PYM1: variants seen among roughly 807,000 people sequenced by gnomAD.
The protein encoded by PYM1 is PYM1 exon junction complex associated factor.
In PYM1, 7 loss-of-function variants were observed where a neutral mutation model predicts 20.7. The observed-to-expected ratio is 0.34, with a 90% CI of 0.19 to 0.64. The LOEUF (loss-of-function observed/expected upper bound fraction) is 0.64, where lower values mean the gene tolerates loss of function less well. Among genes scored for constraint, PYM1 ranks in the 30% least tolerant of loss-of-function variants. The probability of loss-of-function intolerance (pLI) is 0.74; values close to 1 mark genes in which losing one functional copy is unlikely to be tolerated. For missense variants in PYM1, 194 were observed against 250.0 expected (o/e 0.78, Z 1.51); for synonymous variants, 100 against 99.2 (o/e 1.01, Z -0.05).
In PYM1 at chr12:55,902,360, A is replaced by C. The variant is rs1048071900; in HGVS notation, c.132-5T>G. 3 of 1,594,490 alleles carry C rather than the reference A, an allele frequency of 1.9e-6. No homozygotes were observed. Among genetic ancestry groups the C allele is most frequent in the Non-Finnish European group, 1.7e-6 (2 of 1,170,800 alleles). On this transcript the variant is annotated splice_region_variant and splice_polypyrimidine_tract_variant and intron_variant, in intron 2 of 2. Coordinates refer to ENST00000408946, the MANE Select transcript of PYM1 (RefSeq NM_032345.3). ...TTCACATACTTGTTTTCATATCTGC[A>C]GGAAACAAAGGATGTCAAGAGTTTC...
chr12:55,918,535 C>T (rs963529650), intron 1 of PYM1, among the ~76,000 whole-genome samples: 3 of 152,140 alleles, frequency 2.0e-5, no homozygotes, highest in Non-Finnish European at 1.5e-5. Context: ...GAGTTCAAGA[C>T]CATCCTGGGT....
chr12:55,914,473 T>C (rs1882973699), intron 1 of PYM1: 1 of 641,874 alleles, frequency 1.6e-6, no homozygotes, highest in Non-Finnish European at 2.8e-6. Context: ...TTTTTAAGCT[T>C]TGTCATTTTC....
chr12:55,919,755 C>T (rs896581753), intron 1 of PYM1, among the ~76,000 whole-genome samples: 1 of 151,914 alleles, frequency 6.6e-6, no homozygotes, highest in Admixed American at 6.6e-5. Context: ...AAAAAAATAG[C>T]TGGGCATAGT....
chr12:55,908,396 T>C (rs1351825129), intron 1 of PYM1, among the ~76,000 whole-genome samples: 1 of 148,776 alleles, frequency 6.7e-6, no homozygotes, highest in East Asian at 2.0e-4. Context: ...GCTACTGCAC[T>C]CCAGCTTGGG....
intron 1 of PYM1, among the ~76,000 whole-genome samples, chr12:55,918,845 G>A (rs1883052337): frequency 1.3e-5 from 2 of 152,146 alleles, no homozygotes; most frequent in Non-Finnish European, 2.9e-5. Flanking sequence ...TCCAGCCTGG[G>A]CGACAGAGCA....
Position 55,902,112 on chromosome 12 carries a change from G to T in PYM1, c.375C>A (p.Pro125=). 1 of 1,614,098 alleles carries T rather than the reference G, an allele frequency of 6.2e-7. No individual in the cohort carries two copies. The highest frequency in any genetic ancestry group is 1.1e-5 in the South Asian group (1 of 91,070). The change falls in exon 3 of 3, where the codon CCC becomes CCA. Residue 125 remains proline (P), a synonymous_variant. Coordinates refer to ENST00000408946, the MANE Select transcript of PYM1 (RefSeq NM_032345.3). ...CTGCCCGAGAGCCCTGTGGAGCACTGGGGAGTTGGGCTGTCTCTTCCAGGG... is the reference window on the plus strand; with the variant it reads ...CTGCCCGAGAGCCCTGTGGAGCACTTGGGAGTTGGGCTGTCTCTTCCAGGG... The part of the protein sequence containing the change: ...KVSLEETAQL[P]SAPQGSRAAP...
chr12:55,927,590 CG>C (rs1490624470), intron 1 of PYM1, 134 bp downstream of exon 1: 3 of 1,150,792 alleles, frequency 2.6e-6, no homozygotes, highest in African/African-American at 1.5e-5. Flanking sequence ...TTTCTAGGGA[CG>C]GTTGGAGACC....
At chr12:55,925,864 CA>C (rs1883178695) in intron 1 of PYM1, among the ~76,000 whole-genome samples, 1 of 152,100 alleles carries the variant, frequency 6.6e-6, no homozygotes, top group Admixed American at 6.6e-5. Context: ...GTAGTATTTT[CA>C]AAACACACAT....
intron 1 of PYM1, among the ~76,000 whole-genome samples, chr12:55,924,137 C>T (rs960296634): frequency 1.3e-5 from 2 of 151,046 alleles, no homozygotes; most frequent in African/African-American, 2.4e-5. Flanking sequence ...AATAATGGTG[C>T]CTTTAACAGA....
chr12:55,911,382 G>GATT (rs1229841395), intron 1 of PYM1, among the ~76,000 whole-genome samples: 5 of 152,198 alleles, frequency 3.3e-5, no homozygotes, highest in Non-Finnish European at 7.4e-5. Flanking sequence ...AAAGTGCTGA[G>GATT]ATTATAGGTG....
chr12:55,910,252 C>CATATATATATATATATATATAT (rs71074876), intron 1 of PYM1, among the ~76,000 whole-genome samples: 12 of 142,736 alleles, frequency 8.4e-5, no homozygotes, highest in African/African-American at 2.8e-4. Flanking sequence ...TGGTTTTATA[C>CATATATATATATATATATATAT]ATATATATAT....
chr12:55,916,635 C>A (rs1478444551), intron 1 of PYM1, among the ~76,000 whole-genome samples: 2 of 151,450 alleles, frequency 1.3e-5, no homozygotes, highest in African/African-American at 2.4e-5. Flanking sequence ...CCCGTCTCTA[C>A]TAAAAATACA....
chr12:55,903,616 T>C (rs1882733128), intron 1 of PYM1, 136 bp from the exon 2 acceptor site: 6 of 719,508 alleles, frequency 8.3e-6, no homozygotes, highest in Non-Finnish European at 1.4e-5. Flanking sequence ...CCTTTTCTCA[T>C]ACCAACACTC....
intron 1 of PYM1, among the ~76,000 whole-genome samples, chr12:55,904,992 T>C (rs2136257285): frequency 6.6e-6 from 1 of 151,720 alleles, no homozygotes; most frequent in African/African-American, 2.4e-5. Context: ...ATACAATATT[T>C]ATTTATATTT....
chr12:55,919,320 T>C (rs1337577083), intron 1 of PYM1, among the ~76,000 whole-genome samples: 1 of 152,082 alleles, frequency 6.6e-6, no homozygotes, highest in Non-Finnish European at 1.5e-5. Context: ...ACCCAGTTAA[T>C]TTTTTGTATT....
chr12:55,904,682 G>T (rs144471653), intron 1 of PYM1, among the ~76,000 whole-genome samples: 1 of 150,332 alleles, frequency 6.7e-6, no homozygotes, highest in Non-Finnish European at 1.5e-5. Context: ...TTCGAGACCA[G>T]CCTGGCCAAC....
At chr12:55,902,482 G>T in intron 2 of PYM1, 127 bp from the exon 3 acceptor site, 1 of 1,373,894 alleles carries the variant, frequency 7.3e-7, no homozygotes, top group South Asian at 1.5e-5. Flanking sequence ...TTTTTGTGGG[G>T]TTGTTTGTTT....
At chr12:55,925,256 G>T (rs1399063294) in intron 1 of PYM1, among the ~76,000 whole-genome samples, 1 of 152,196 alleles carries the variant, frequency 6.6e-6, no homozygotes, top group Non-Finnish European at 1.5e-5. Context: ...AGGCCATAAG[G>T]TACTGACAGA....
chr12:55,927,561 G>C, intron 1 of PYM1, 164 bp downstream of exon 1: 2 of 876,034 alleles, frequency 2.3e-6, no homozygotes, highest in South Asian at 3.3e-5. Flanking sequence ...CTCCAGGAAC[G>C]CACTGGGGCG....
Sources: gnomAD v4.1 joint callset for allele counts (sites outside exome capture counted in the v4.1 genomes callset) on GRCh38, gnomAD v4.1.1 for gene constraint, MANE v1.5 for transcripts, NCBI Gene and HGNC (gene_info 2026-07-23, HGNC 2026-07-21) for gene names.